Variants in CERS6 observed in about 807,000 individuals in gnomAD.
CERS6 encodes ceramide synthase 6, also known as LAG1 homolog, ceramide synthase 6.
Under a neutral mutation model 56.8 loss-of-function variants are expected in CERS6, and 26 were observed. That is an observed-to-expected ratio of 0.46 (90% CI 0.34 to 0.63). The LOEUF is 0.63. CERS6 is among the 30% of genes least tolerant of loss of function. The pLI is 0.01. For missense variants in CERS6, 415 were observed against 467.5 expected (o/e 0.89, Z 1.04); for synonymous variants, 164 against 173.3 (o/e 0.95, Z 0.42).
chr2:168,603,986 A>C (rs79411051), intron 3 of CERS6, among the ~76,000 whole-genome samples: 1 of 152,310 alleles, frequency 6.6e-6, no homozygotes, highest in East Asian at 1.9e-4. Flanking sequence ...AAACAATAAA[A>C]ATTTTTGGTT....
At chr2:168,465,249 A>G (rs1049853918) in intron 1 of CERS6, among the ~76,000 whole-genome samples, 1 of 152,240 alleles carries the variant, frequency 6.6e-6, no homozygotes, top group Non-Finnish European at 1.5e-5. Context: ...TTTATTGCTC[A>G]CAGTTTTGGA....
chr2:168,552,490 T>C (rs1444553287), intron 2 of CERS6, among the ~76,000 whole-genome samples: 2 of 151,896 alleles, frequency 1.3e-5, no homozygotes, highest in Non-Finnish European at 2.9e-5. Context: ...TCAAAACATA[T>C]AAAGGCTACC....
intron 2 of CERS6, 92 bp from the exon 3 acceptor site, chr2:168,561,100 A>C (rs570390667): frequency 7.1e-7 from 1 of 1,408,184 alleles, no homozygotes; most frequent in African/African-American, 1.4e-5. Flanking sequence ...AATAGGGGGA[A>C]AAAAACCTCT....
chr2:168,642,733 G>A (rs761503864), intron 4 of CERS6, among the ~76,000 whole-genome samples: 34 of 152,128 alleles, frequency 2.2e-4, no homozygotes, highest in Non-Finnish European at 4.0e-4. Context: ...TCTTTCCAGC[G>A]TACAGTAAAG....
chr2:168,731,997 TAAGTC>T (rs1475388625), intron 8 of CERS6, among the ~76,000 whole-genome samples: 1 of 152,170 alleles, frequency 6.6e-6, no homozygotes, highest in Non-Finnish European at 1.5e-5. Context: ...ATCGGAGAAA[TAAGTC>T]AGTTGCTTCA....
Position 168,462,955 on chromosome 2 carries a change from T to A in CERS6, c.170+6337T>A, listed in dbSNP as rs138458199. 2.0e-3 allele frequency among the ~76,000 whole-genome samples: 312 copies of A among 152,358 alleles called. 4 individuals carry two copies. The highest frequency in any genetic ancestry group is 7.2e-3 in the African/African-American group (300 of 41,586). ...TATTTTGTTTGATGTTTGACTATTT[T>A]GAATGACTGCCATTTTTAATGAACA... On this transcript the variant is annotated intron_variant, in intron 1 of 9. Transcript: ENST00000305747.
intron 8 of CERS6, among the ~76,000 whole-genome samples, chr2:168,732,874 CAGAA>C (rs1195176590): frequency 2.6e-5 from 4 of 151,680 alleles, no homozygotes; most frequent in Non-Finnish European, 5.9e-5. Flanking sequence ...GCTTTTTTTC[CAGAA>C]AGAAGTCAAA....
At chr2:168,675,833 C>T (rs573829516) in intron 4 of CERS6, among the ~76,000 whole-genome samples, 6 of 151,896 alleles carry the variant, frequency 4.0e-5, no homozygotes, top group South Asian at 4.2e-4. Context: ...AATACAGATG[C>T]GAGCCACCAT....
intron 5 of CERS6, among the ~76,000 whole-genome samples, chr2:168,693,749 G>A (rs1417327619): frequency 2.6e-5 from 4 of 152,116 alleles, no homozygotes; most frequent in African/African-American, 9.7e-5. Context: ...GGCCTAATTA[G>A]CTCCCAAAGG....
chr2:168,696,941 T>A (rs1308391048), intron 6 of CERS6, among the ~76,000 whole-genome samples: 1 of 152,232 alleles, frequency 6.6e-6, no homozygotes, highest in African/African-American at 2.4e-5. Flanking sequence ...GGTAAATGAA[T>A]AAGCAAAATC....
At chr2:168,593,010 G>A (rs1023962040) in intron 3 of CERS6, among the ~76,000 whole-genome samples, 7 of 152,200 alleles carry the variant, frequency 4.6e-5, no homozygotes, top group Admixed American at 3.3e-4. Context: ...TTGTTCCCTG[G>A]CCTCTTCTAG....
At position 168,739,427 on chromosome 2, in the gene CERS6, TA is replaced by T. The variant is rs147668287; in HGVS notation, c.845+21454del. On this transcript the variant is annotated intron_variant, in intron 8 of 9. Coordinates refer to ENST00000305747, the MANE Select transcript of CERS6 (RefSeq NM_203463.3). ...ATAGAGTCTAAGGTTGGTCATGTGG[TA>T]AAAATTGAGTATATTAAAAATTTCC... 5.1e-3 allele frequency among the ~76,000 whole-genome samples: 770 copies of T among 152,170 alleles called. 1 individual carries two copies. Among genetic ancestry groups the T allele is most frequent in the Middle Eastern group, 0.017 (5 of 294 alleles).
chr2:168,738,037 G>A lies in CERS6; in HGVS notation c.845+20059G>A, dbSNP rs11691755. ...TGAGTTGATTATTATTAAAGCTGCTGAAGAATGTGTATTGAATAGGTCAAT... is the reference window on the plus strand; with the variant it reads ...TGAGTTGATTATTATTAAAGCTGCTAAAGAATGTGTATTGAATAGGTCAAT... On this transcript the variant is annotated intron_variant, in intron 8 of 9. Transcript: ENST00000305747. Among the ~76,000 whole-genome samples the A allele has an allele frequency of 7.0e-3, 1,067 of 152,336 alleles. 6 individuals carry two copies. Among genetic ancestry groups the A allele is most frequent in the Middle Eastern group, 0.048 (14 of 294 alleles).
At chr2:168,613,876 A>T (rs1405383086) in intron 3 of CERS6, among the ~76,000 whole-genome samples, 1 of 152,230 alleles carries the variant, frequency 6.6e-6, no homozygotes, top group African/African-American at 2.4e-5. Flanking sequence ...TATTTAGAAC[A>T]TGAGGTGCTG....
chr2:168,715,228 A>G, intron 7 of CERS6, 99 bp downstream of exon 7: 1 of 971,056 alleles, frequency 1.0e-6, no homozygotes, highest in Non-Finnish European at 1.5e-6. Flanking sequence ...GTGCTTGGGT[A>G]CAATAGTAAA....
intron 1 of CERS6, among the ~76,000 whole-genome samples, chr2:168,464,849 C>T (rs927226603): frequency 2.6e-5 from 4 of 152,254 alleles, no homozygotes; most frequent in Non-Finnish European, 5.9e-5. Flanking sequence ...ATGAGATACG[C>T]ATTAGGATGG....
chr2:168,669,898 A>T (rs912490442), intron 4 of CERS6, among the ~76,000 whole-genome samples: 19 of 152,214 alleles, frequency 1.2e-4, no homozygotes, highest in African/African-American at 3.6e-4. Flanking sequence ...GAATGATTAG[A>T]CACACTGGTC....
At chr2:168,631,115 G>A in intron 4 of CERS6, 73 bp downstream of exon 4, 1 of 618,492 alleles carries the variant, frequency 1.6e-6, no homozygotes, top group Non-Finnish European at 2.8e-6. Flanking sequence ...TTTTTTTAAT[G>A]TGTGACTGTA....
At chr2:168,670,985 G>A (rs531990627) in intron 4 of CERS6, among the ~76,000 whole-genome samples, 60 of 32,064 alleles carry the variant, frequency 1.9e-3, no homozygotes, top group Non-Finnish European at 5.8e-3. Flanking sequence ...CCCCCCAGAC[G>A]GAAGCTTGCT....
Sources: allele counts gnomAD v4.1 joint callset (sites outside exome capture counted in the v4.1 genomes callset), GRCh38; gene constraint gnomAD v4.1.1; transcripts MANE v1.5; gene names NCBI Gene and HGNC (gene_info 2026-07-23, HGNC 2026-07-21).